Variants in CDH23 observed in about 807,000 individuals in gnomAD.
CDH23 encodes the protein cadherin related 23.
In CDH23, 189 loss-of-function variants were observed where a neutral mutation model predicts 317.1. The observed-to-expected ratio is 0.60, with a 90% CI of 0.53 to 0.67. The LOEUF (loss-of-function observed/expected upper bound fraction) is 0.67, where lower values mean the gene tolerates loss of function less well. Ranked by LOEUF, CDH23 falls within the 30% of genes least tolerant of loss-of-function variation. The pLI is 0.00. For synonymous variants in CDH23, 1,839 were observed against 1,876.8 expected, an observed-to-expected ratio of 0.98 and a Z score of 0.52; for missense variants, 4,401 against 4,592.4, an observed-to-expected ratio of 0.96 and a Z score of 1.20.
intron 9 of CDH23, among the ~76,000 whole-genome samples, chr10:71,580,393 C>T (rs1183426318): frequency 6.6e-6 from 1 of 152,170 alleles, no homozygotes; most frequent in East Asian, 1.9e-4. Context: ...GAGGCGAGGG[C>T]AGGAGACAGA....
chr10:71,680,514 G>A (rs142213569), intron 17 of CDH23, among the ~76,000 whole-genome samples: 1,680 of 152,208 alleles, frequency 0.011, 16 homozygotes, highest in South Asian at 0.042. Flanking sequence ...TTGGGAGGCC[G>A]AGACCGGCGG....
chr10:71,654,666 G>A lies in CDH23; in HGVS notation c.1449+8049G>A, dbSNP rs184144805. Among the ~76,000 whole-genome samples the A allele has an allele frequency of 8.3e-4, 127 of 152,324 alleles. 1 individual carries two copies. Among genetic ancestry groups the A allele is most frequent in the Middle Eastern group, 3.4e-3 (1 of 294 alleles). On this transcript the variant is annotated intron_variant, in intron 14 of 69. Coordinates refer to ENST00000224721, the MANE Select transcript of CDH23 (RefSeq NM_022124.6). ...TCTGATGGTGTTCTCACCCTGCCAC[G>A]ACTGTGCCCTTGGCTCATTTGGCTG...
At chr10:71,618,786 C>A (rs1190945084) in intron 11 of CDH23, among the ~76,000 whole-genome samples, 2 of 151,974 alleles carry the variant, frequency 1.3e-5, no homozygotes, top group Non-Finnish European at 2.9e-5. Context: ...ACTCAGGGCA[C>A]GTGGGCAAGT....
chr10:71,425,553 A>G (rs747199577), intron 1 of CDH23, among the ~76,000 whole-genome samples: 1 of 152,208 alleles, frequency 6.6e-6, no homozygotes, highest in Non-Finnish European at 1.5e-5. Flanking sequence ...TCTGCAGGAC[A>G]GTGCTACCCC....
chr10:71,578,013 T>G, intron 9 of CDH23, 21 bp downstream of exon 9: 1 of 1,573,050 alleles, frequency 6.4e-7, no homozygotes, highest in Non-Finnish European at 8.6e-7. Context: ...AGGCTGCCCC[T>G]CTCTCCTCTC....
chr10:71,543,212 G>A (rs2073632001), intron 6 of CDH23, among the ~76,000 whole-genome samples: 1 of 152,222 alleles, frequency 6.6e-6, no homozygotes, highest in Non-Finnish European at 1.5e-5. Flanking sequence ...GGGGACCCAA[G>A]TGTCTGATTT....
chr10:71,516,854 C>T (rs993328555), intron 6 of CDH23, among the ~76,000 whole-genome samples: 2 of 152,198 alleles, frequency 1.3e-5, no homozygotes, highest in Non-Finnish European at 2.9e-5. Flanking sequence ...TTGCAAACAT[C>T]GTAGTGAGGA....
chr10:71,584,313 C>G (rs1778912087), intron 9 of CDH23, among the ~76,000 whole-genome samples: 1 of 152,072 alleles, frequency 6.6e-6, no homozygotes, highest in African/African-American at 2.4e-5. Flanking sequence ...GAGAAACCCT[C>G]TAGAATCAAG....
chr10:71,661,997 T>G (rs775114058), intron 14 of CDH23, among the ~76,000 whole-genome samples: 2 of 149,236 alleles, frequency 1.3e-5, no homozygotes, highest in African/African-American at 2.5e-5. Context: ...GGTGCAGCCC[T>G]GGGCTGCGTG....
intron 30 of CDH23, among the ~76,000 whole-genome samples, chr10:71,726,764 A>G (rs1473850643): frequency 6.6e-6 from 1 of 152,244 alleles, no homozygotes; most frequent in East Asian, 1.9e-4. Context: ...ATGTCAGCGA[A>G]GCTGGGGTTG....
At chr10:71,404,548 C>T (rs1322243233) in intron 1 of CDH23, among the ~76,000 whole-genome samples, 4 of 152,242 alleles carry the variant, frequency 2.6e-5, no homozygotes, top group Non-Finnish European at 4.4e-5. Flanking sequence ...AGTGGTGAAA[C>T]TGAGACTTGG....
intron 7 of CDH23, among the ~76,000 whole-genome samples, chr10:71,570,322 C>G (rs1386978202): frequency 6.6e-6 from 1 of 152,188 alleles, no homozygotes; most frequent in Admixed American, 6.5e-5. Context: ...CTTTGTCAAT[C>G]CTCTGCTGCC....
chr10:71,687,598 C>T (rs2132694554), intron 18 of CDH23, 49 bp from the exon 19 acceptor site: 1 of 1,569,370 alleles, frequency 6.4e-7, no homozygotes, highest in Non-Finnish European at 8.8e-7. Context: ...ATCTGGCCAG[C>T]CCACCTGCCT....
rs1473028766 is a variant in CDH23, at chr10:71,809,915, C to A, written c.8818C>A (p.His2940Asn). 1.2e-6 allele frequency: 2 copies of A among 1,613,112 alleles called. No individual in the cohort carries two copies. The highest frequency in any genetic ancestry group is 1.7e-6 in the Non-Finnish European group (2 of 1,179,888). ...CATTGTGGCCCGAGACCTGGCAGGCCACAACGACACGGCCATCATCGGCAT... is the reference window on the plus strand; with the variant it reads ...CATTGTGGCCCGAGACCTGGCAGGCAACAACGACACGGCCATCATCGGCAT... The part of the protein sequence containing the change: ...VDIVARDLAG[H>N]NDTAIIGIYI... The change falls in exon 61 of 70, where the codon CAC (histidine) becomes AAC (asparagine). Residue 2940 changes from histidine to asparagine, a missense_variant. Coordinates refer to ENST00000224721, the MANE Select transcript of CDH23 (RefSeq NM_022124.6).
rs1554823181 is a variant in CDH23 at position 71,425,371 on chromosome 10, A to AGAAGGAAGGAAGGGAGGAAG, written c.-5-14443_-5-14442insGAGGAAGGAAGGAAGGAAGG. Among the ~76,000 whole-genome samples the AGAAGGAAGGAAGGGAGGAAG allele has an allele frequency of 2.3e-4, 19 of 82,496 alleles. No homozygotes were observed. In the South Asian group the frequency reaches 9.3e-3, roughly 40 times the overall value. 54.1% of individuals were successfully genotyped at this position (82,496 alleles called of 152,430 possible). On this transcript the variant is annotated intron_variant, in intron 1 of 69. Transcript: ENST00000224721. ...AGTGGGGCAGAGAGAAAGAGAGAGG[A>AGAAGGAAGGAAGGGAGGAAG]GAAGGAAGGAAGGAAGGAAGGAAGG...
At chr10:71,402,932 C>T (rs547098385) in intron 1 of CDH23, among the ~76,000 whole-genome samples, 4 of 151,910 alleles carry the variant, frequency 2.6e-5, no homozygotes, top group East Asian at 1.9e-4. Context: ...CTGGCTAACA[C>T]GGTGAAACCA....
chr10:71,656,456 G>A (rs769518972), intron 14 of CDH23, among the ~76,000 whole-genome samples: 3 of 152,194 alleles, frequency 2.0e-5, no homozygotes, highest in African/African-American at 4.8e-5. Context: ...CAAATCCAGC[G>A]ACTATTTAAG....
chr10:71,554,778 C>T (rs1189856933), intron 6 of CDH23, among the ~76,000 whole-genome samples: 1 of 151,158 alleles, frequency 6.6e-6, no homozygotes, highest in African/African-American at 2.4e-5. Context: ...CCATAGTTAA[C>T]TCATTTTATC....
intron 3 of CDH23, among the ~76,000 whole-genome samples, chr10:71,496,510 G>T (rs990784397): frequency 2.0e-5 from 3 of 152,166 alleles, no homozygotes; most frequent in African/African-American, 7.2e-5. Context: ...ATCACCTGGC[G>T]ATTTAGAACT....
Sources: allele counts gnomAD v4.1 joint callset (sites outside exome capture counted in the v4.1 genomes callset), GRCh38; gene constraint gnomAD v4.1.1; transcripts MANE v1.5; gene names NCBI Gene and HGNC (gene_info 2026-07-23, HGNC 2026-07-21).